DLEU7: variants seen among roughly 807,000 people sequenced by gnomAD.
The protein encoded by DLEU7 is leukemia-associated protein 7.
Under a neutral mutation model 16.0 loss-of-function variants are expected in DLEU7, and 17 were observed. That is an observed-to-expected ratio of 1.06 (90% CI 0.73 to 1.59). The LOEUF is 1.59. Ranked by LOEUF, DLEU7 falls within the 40% of genes most tolerant of loss-of-function variation. The pLI, the probability that DLEU7 is intolerant of heterozygous loss-of-function variation, is 0.00. For synonymous variants in DLEU7, 113 were observed against 139.8 expected (o/e 0.81, Z 1.35); for missense variants, 308 against 314.9 (o/e 0.98, Z 0.17).
chr13:50,768,627 T>C (rs1034997169), intron 1 of DLEU7, among the ~76,000 whole-genome samples: 1 of 152,228 alleles, frequency 6.6e-6, no homozygotes, highest in African/African-American at 2.4e-5. Context: ...TCCCTGTTTA[T>C]GGCTGCATAG....
chr13:50,817,699 A>G (rs966586206), intron 1 of DLEU7, among the ~76,000 whole-genome samples: 2 of 152,126 alleles, frequency 1.3e-5, no homozygotes, highest in African/African-American at 2.4e-5. Context: ...TTGCAGTCCT[A>G]TGTTCTGTCA....
intron 1 of DLEU7, among the ~76,000 whole-genome samples, chr13:50,748,711 GAGAC>G (rs1459293445): frequency 6.6e-6 from 1 of 152,188 alleles, no homozygotes; most frequent in South Asian, 2.1e-4. Flanking sequence ...GAGAGAATGA[GAGAC>G]AGGGAGACAG....
At chr13:50,755,166 G>A (rs974912682) in intron 1 of DLEU7, among the ~76,000 whole-genome samples, 25 of 152,190 alleles carry the variant, frequency 1.6e-4, no homozygotes, top group African/African-American at 5.8e-4. Context: ...GACAATGTGT[G>A]TAGGTGATGA....
chr13:50,766,428 A>G (rs1875111953), intron 1 of DLEU7, among the ~76,000 whole-genome samples: 1 of 152,072 alleles, frequency 6.6e-6, no homozygotes, highest in African/African-American at 2.4e-5. Context: ...CTGCTTTGAA[A>G]TAATGAGAAT....
intron 1 of DLEU7, among the ~76,000 whole-genome samples, chr13:50,768,288 ATTTTT>A (rs202212686): frequency 6.0e-5 from 9 of 148,932 alleles, no homozygotes; most frequent in Middle Eastern, 6.8e-3. Flanking sequence ...TCATGATTTT[ATTTTT>A]TTTTTATTAT....
chr13:50,800,647 C>T (rs909674266), intron 1 of DLEU7, among the ~76,000 whole-genome samples: 1 of 152,084 alleles, frequency 6.6e-6, no homozygotes, highest in Non-Finnish European at 1.5e-5. Context: ...AGCCAAATCA[C>T]GTTAATCATG....
intron 1 of DLEU7, among the ~76,000 whole-genome samples, chr13:50,757,838 T>C (rs1220930143): frequency 6.6e-6 from 1 of 152,194 alleles, no homozygotes; most frequent in Non-Finnish European, 1.5e-5. Context: ...TTTCCAGGGC[T>C]AACCAGCTGC....
At chr13:50,839,435 G>C (rs1182070434) in intron 1 of DLEU7, among the ~76,000 whole-genome samples, 1 of 152,226 alleles carries the variant, frequency 6.6e-6, no homozygotes, top group Non-Finnish European at 1.5e-5. Flanking sequence ...GGAGTATTGT[G>C]TTGGTTTCTT....
intron 1 of DLEU7, among the ~76,000 whole-genome samples, chr13:50,762,826 C>T (rs9596344): frequency 0.3 from 45,275 of 149,416 alleles, 7,741 homozygotes; most frequent in African/African-American, 0.45. Flanking sequence ...AAGCAACAGC[C>T]GCCTCCCCAA....
chr13:50,715,618 A>T (rs1488454748), intron 1 of DLEU7: 2 of 152,518 alleles, frequency 1.3e-5, no homozygotes, highest in African/African-American at 4.8e-5. Context: ...CCAACAGGAG[A>T]CACAAGGAAC....
intron 1 of DLEU7, among the ~76,000 whole-genome samples, chr13:50,749,497 T>C (rs1205925149): frequency 1.3e-5 from 2 of 152,220 alleles, no homozygotes; most frequent in Non-Finnish European, 2.9e-5. Flanking sequence ...CTTTTACTTC[T>C]TTAAGGCATC....
chr13:50,749,859 T>C (rs913320554), intron 1 of DLEU7, among the ~76,000 whole-genome samples: 8 of 152,218 alleles, frequency 5.3e-5, no homozygotes, highest in Non-Finnish European at 1.0e-4. Flanking sequence ...ATGTATAGAT[T>C]GTGAAGATTT....
intron 1 of DLEU7, among the ~76,000 whole-genome samples, chr13:50,788,422 A>G (rs1446881526): frequency 6.6e-6 from 1 of 152,184 alleles, no homozygotes; most frequent in African/African-American, 2.4e-5. Context: ...GACGAATAAT[A>G]CCAAGGCTGT....
At chr13:50,780,108 C>A (rs1325939791) in intron 1 of DLEU7, among the ~76,000 whole-genome samples, 1 of 152,150 alleles carries the variant, frequency 6.6e-6, no homozygotes, top group Non-Finnish European at 1.5e-5. Flanking sequence ...GAACAGCTGG[C>A]AGAGGGGATC....
At chr13:50,791,791 A>G (rs1409630861) in intron 1 of DLEU7, among the ~76,000 whole-genome samples, 3 of 152,244 alleles carry the variant, frequency 2.0e-5, no homozygotes, top group Admixed American at 1.3e-4. Flanking sequence ...AAAAAAAATC[A>G]CAAAATCCAG....
At chr13:50,752,682 A>T (rs928655654) in intron 1 of DLEU7, among the ~76,000 whole-genome samples, 3 of 151,076 alleles carry the variant, frequency 2.0e-5, no homozygotes, top group Admixed American at 6.6e-5. Context: ...GGAGTTGTTC[A>T]TTCCTGCCAG....
intron 1 of DLEU7, among the ~76,000 whole-genome samples, chr13:50,747,402 G>A (rs541033164): frequency 9.9e-5 from 15 of 151,536 alleles, no homozygotes; most frequent in African/African-American, 2.9e-4. Flanking sequence ...GTGTGTGCGC[G>A]CATTTGTGTG....
intron 1 of DLEU7, among the ~76,000 whole-genome samples, chr13:50,796,229 T>C (rs543112483): frequency 6.6e-6 from 1 of 152,288 alleles, no homozygotes; most frequent in African/African-American, 2.4e-5. Context: ...AACAGATTAA[T>C]AATAACTAAT....
At chr13:50,731,822 A>G (rs1299699848) in intron 1 of DLEU7, among the ~76,000 whole-genome samples, 1 of 152,190 alleles carries the variant, frequency 6.6e-6, no homozygotes, top group Non-Finnish European at 1.5e-5. Context: ...GCCAATGCCT[A>G]TTTTTTGAAA....
Sources: allele counts gnomAD v4.1 joint callset (sites outside exome capture counted in the v4.1 genomes callset), GRCh38; gene constraint gnomAD v4.1.1; transcripts MANE v1.5; gene names NCBI Gene and HGNC (gene_info 2026-07-23, HGNC 2026-07-21).